CFAP20DC: variants seen among roughly 807,000 people sequenced by gnomAD.
CFAP20DC encodes protein CFAP20DC.
A neutral mutation model predicts 101.7 loss-of-function variants in CFAP20DC; 84 were observed. The observed-to-expected ratio is 0.83, with a 90% confidence interval of 0.69 to 0.99. The LOEUF (loss-of-function observed/expected upper bound fraction) is 0.99, where lower values mean the gene tolerates loss of function less well. Among genes scored for constraint, CFAP20DC ranks in the 50% least tolerant of loss-of-function variants. The pLI is 0.00. For synonymous variants in CFAP20DC, 359 were observed against 351.2 expected, an observed-to-expected ratio of 1.02 and a Z score of -0.25; for missense variants, 1,007 against 970.3, an observed-to-expected ratio of 1.04 and a Z score of -0.50.
chr3:58,737,154 A>G (rs1160275542), downstream of CFAP20DC: 8 of 456,516 alleles, frequency 1.8e-5, no homozygotes, highest in Non-Finnish European at 3.5e-5. The surrounding 1 kb of genome is among the most constrained non-coding windows in gnomAD (Gnocchi z 4.1). Context: ...GCTTCAGCAT[A>G]CCTTGTTTTG....
chr3:59,021,269 G>T (rs1199033127), intron 4 of CFAP20DC, among the ~76,000 whole-genome samples: 2 of 152,018 alleles, frequency 1.3e-5, no homozygotes, highest in African/African-American at 4.8e-5. Context: ...AGGATTCCAG[G>T]TAAATAAAGT....
chr3:58,986,041 T>C (rs746446744), intron 4 of CFAP20DC, among the ~76,000 whole-genome samples: 3 of 152,214 alleles, frequency 2.0e-5, no homozygotes, highest in Non-Finnish European at 4.4e-5. Flanking sequence ...TGGCTAACCA[T>C]TTGTTTTCCT....
At position 59,046,254 on chromosome 3, in the gene CFAP20DC, C is replaced by T. The variant is rs150336419; in HGVS notation, c.180G>A (p.Gln60=). ...GGCTTTGCTTATTCTCCTTTGGTAA[C>T]TGAATTTTGTTTGTTTGGCTGCTGC... ...LEGSSQTNKI[Q]LPKENKQSLG... Residue 60 remains glutamine (Q), a synonymous_variant, in exon 3 of 17, where the codon CAG becomes CAA. Coordinates refer to ENST00000482387, the MANE Select transcript of CFAP20DC (RefSeq NM_001394063.1). The T allele has an allele frequency of 1.8e-4, 275 of 1,531,406 alleles. No individual in the cohort carries two copies. In the African/African-American group the frequency reaches 2.2e-3, roughly 12 times the overall value. 94.9% of individuals were successfully genotyped at this position (1,531,406 alleles called of 1,614,324 possible). A position where few individuals can be genotyped will look rare whatever the true frequency, so the allele number is the denominator to read the frequency against.
intron 14 of CFAP20DC, among the ~76,000 whole-genome samples, chr3:58,813,636 T>A (rs181464824): frequency 6.6e-6 from 1 of 151,944 alleles, no homozygotes; most frequent in African/African-American, 2.4e-5. Flanking sequence ...ATTAATGATG[T>A]AGGTGATGGG....
intron 13 of CFAP20DC, among the ~76,000 whole-genome samples, chr3:58,833,001 T>G (rs866033814): frequency 1.3e-5 from 2 of 152,212 alleles, no homozygotes; most frequent in Non-Finnish European, 2.9e-5. Context: ...CACCTTAGAA[T>G]TTTTTAGATG....
At chr3:58,811,212 T>G (rs1438329211) in intron 14 of CFAP20DC, among the ~76,000 whole-genome samples, 1 of 152,060 alleles carries the variant, frequency 6.6e-6, no homozygotes, top group Non-Finnish European at 1.5e-5. Flanking sequence ...TACTTTAAAG[T>G]TCATACGGAA....
intron 15 of CFAP20DC, among the ~76,000 whole-genome samples, chr3:58,789,117 T>C (rs573270157): frequency 6.6e-6 from 1 of 152,214 alleles, no homozygotes; most frequent in East Asian, 1.9e-4. Flanking sequence ...CAGAAAAAAG[T>C]TCAATCCCAA....
chr3:58,888,291 G>C lies in CFAP20DC; in HGVS notation c.551-3582C>G, dbSNP rs555800642. Among the ~76,000 whole-genome samples, 12 of 152,312 alleles carry C rather than the reference G, an allele frequency of 7.9e-5. No homozygotes were observed. The South Asian group carries it at 2.5e-3, about 32-fold the overall frequency. ...ATTGAGGCTCTACTATGTGCCAGGC[G>C]TATGTCTAATGGCTGGGAATCTAGC... On this transcript the variant is annotated intron_variant, in intron 6 of 16. Coordinates refer to ENST00000482387, the MANE Select transcript of CFAP20DC (RefSeq NM_001394063.1).
chr3:58,806,343 C>T (rs2074051674), intron 15 of CFAP20DC, 52 bp downstream of exon 15: 1 of 1,226,588 alleles, frequency 8.2e-7, no homozygotes, highest in South Asian at 1.3e-5. Context: ...AATGTACAAT[C>T]TTCCAACTAA....
rs1043913732 is a variant in CFAP20DC at position 59,015,982 on chromosome 3, C to A, written c.278+23575G>T. ...GCTGGGACAAAATGCTGGGAAGAAG[C>A]CAGATCCTGGGTTCTGGCTACCTTG... is the stretch of plus-strand genomic sequence containing the variant. On this transcript the variant is annotated intron_variant, in intron 4 of 16. Transcript: ENST00000482387. This position sits in a 1 kb window ranked among gnomAD's most constrained non-coding sequence, Gnocchi z 5.4. Among the ~76,000 whole-genome samples the A allele has an allele frequency of 2.0e-5, 3 of 152,064 alleles. No individual in the cohort carries two copies. Among genetic ancestry groups the A allele is most frequent in the African/African-American group, 4.8e-5 (2 of 41,398 alleles).
intron 5 of CFAP20DC, among the ~76,000 whole-genome samples, chr3:58,933,627 A>C (rs970687666): frequency 1.3e-5 from 2 of 152,170 alleles, no homozygotes; most frequent in African/African-American, 4.8e-5. Context: ...CTCACTCAAA[A>C]CCACTCAACT....
chr3:59,028,493 T>C (rs1339786105), intron 4 of CFAP20DC, among the ~76,000 whole-genome samples: 1 of 152,222 alleles, frequency 6.6e-6, no homozygotes, highest in Non-Finnish European at 1.5e-5. Flanking sequence ...CTTAGCTCTT[T>C]CAACTTATAT....
At chr3:58,818,824 T>G (rs1284837690) in intron 14 of CFAP20DC, among the ~76,000 whole-genome samples, 1 of 126,694 alleles carries the variant, frequency 7.9e-6, no homozygotes, top group African/African-American at 3.1e-5. Context: ...CCACCCCAAA[T>G]CAACAGAATA....
At chr3:58,924,469 T>A (rs1343348927) in intron 5 of CFAP20DC, among the ~76,000 whole-genome samples, 1 of 152,162 alleles carries the variant, frequency 6.6e-6, no homozygotes, top group East Asian at 1.9e-4. Flanking sequence ...CTTTACCCAA[T>A]CATCTGATGA....
chr3:58,941,403 A>C (rs927349294), intron 4 of CFAP20DC, among the ~76,000 whole-genome samples: 4 of 150,930 alleles, frequency 2.7e-5, no homozygotes, highest in African/African-American at 9.7e-5. Context: ...TAGACATTCA[A>C]TTGATTTCTC....
In CFAP20DC at chr3:58,897,166, G is replaced by T. The variant is rs2082735062; in HGVS notation, c.551-12457C>A. Among the ~76,000 whole-genome samples the T allele has an allele frequency of 6.6e-6, 1 of 152,012 alleles. No homozygotes were observed. Among genetic ancestry groups the T allele is most frequent in the East Asian group, 1.9e-4 (1 of 5,192 alleles). The stretch of plus-strand genomic sequence containing the variant: ...TTCTTTGTCTTTTTTGATATTTGTT[G>T]GTTTAAAGTCTATTTGTCAGAAACT... On this transcript the variant is annotated intron_variant, in intron 6 of 16. Coordinates refer to ENST00000482387, the MANE Select transcript of CFAP20DC (RefSeq NM_001394063.1). This position sits in a 1 kb window ranked among gnomAD's most constrained non-coding sequence, Gnocchi z 4.4.
At chr3:58,935,722 G>A (rs1267745121) in intron 5 of CFAP20DC, among the ~76,000 whole-genome samples, 2 of 152,210 alleles carry the variant, frequency 1.3e-5, no homozygotes, top group Non-Finnish European at 2.9e-5. Context: ...CTAGCCATAT[G>A]TAGAAAGCTG....
At chr3:58,838,326 C>A (rs2076877397) in intron 13 of CFAP20DC, among the ~76,000 whole-genome samples, 1 of 152,110 alleles carries the variant, frequency 6.6e-6, no homozygotes, top group African/African-American at 2.4e-5. Flanking sequence ...TCATGGCAGG[C>A]ACATGGACCT....
rs1332631121 is a variant in CFAP20DC at position 58,869,030 on chromosome 3, C to A, written c.1015+298G>T. On this transcript the variant is annotated intron_variant, in intron 9 of 16. Transcript: ENST00000482387. This position sits in a 1 kb window ranked among gnomAD's most constrained non-coding sequence, Gnocchi z 4.3. ...TTAAGCTAAGAACACTTAAAATGCA[C>A]ATGGCATTTCCAAAATACAGTGATA... Among the ~76,000 whole-genome samples, 2 of 152,150 alleles carry A rather than the reference C, an allele frequency of 1.3e-5. No individual in the cohort carries two copies. The highest frequency in any genetic ancestry group is 4.8e-5 in the African/African-American group (2 of 41,434).
Sources: allele counts gnomAD v4.1 joint callset (sites outside exome capture counted in the v4.1 genomes callset), GRCh38; gene constraint gnomAD v4.1.1; non-coding constraint Gnocchi (gnomAD v3.1); transcripts MANE v1.5; gene names NCBI Gene and HGNC (gene_info 2026-07-23, HGNC 2026-07-21).